TBC1D4: variants seen among roughly 807,000 people sequenced by gnomAD.
The protein encoded by TBC1D4 is TBC (Tre-2, BUB2, CDC16) domain-containing protein.
Under a neutral mutation model 142.5 loss-of-function variants are expected in TBC1D4, and 121 were observed. The observed-to-expected ratio is 0.85, with a 90% CI of 0.73 to 0.99. TBC1D4 has a LOEUF of 0.99. Among genes scored for constraint, TBC1D4 ranks in the 50% least tolerant of loss-of-function variants. The probability of loss-of-function intolerance (pLI) is 0.00; values close to 1 mark genes in which losing one functional copy is unlikely to be tolerated. For synonymous variants in TBC1D4, 630 were observed against 628.2 expected (o/e 1.00, Z -0.04); for missense variants, 1,475 against 1,606.6 (o/e 0.92, Z 1.40).
chr13:75,475,982 C>T (rs537726400), intron 1 of TBC1D4, among the ~76,000 whole-genome samples: 64 of 152,224 alleles, frequency 4.2e-4, no homozygotes, highest in Non-Finnish European at 7.6e-4. Context: ...GAGGCTCATA[C>T]CTGTAATCCC....
intron 1 of TBC1D4, among the ~76,000 whole-genome samples, chr13:75,409,864 G>A (rs550103840): frequency 6.6e-6 from 1 of 152,298 alleles, no homozygotes; most frequent in South Asian, 2.1e-4. Context: ...AGATACTAGT[G>A]TTAATTTATA....
intron 7 of TBC1D4, among the ~76,000 whole-genome samples, chr13:75,337,282 A>G (rs1880306421): frequency 6.6e-6 from 1 of 152,192 alleles, no homozygotes; most frequent in African/African-American, 2.4e-5. Flanking sequence ...TTTCCTTTCC[A>G]TGAATACACT....
At chr13:75,287,911 AC>A (rs1456612409) in intron 20 of TBC1D4, among the ~76,000 whole-genome samples, 1 of 152,050 alleles carries the variant, frequency 6.6e-6, no homozygotes, top group Non-Finnish European at 1.5e-5. Context: ...GCCATTAGAC[AC>A]TGAAACTCCC....
intron 1 of TBC1D4, among the ~76,000 whole-genome samples, chr13:75,439,012 G>A (rs942238037): frequency 3.3e-5 from 5 of 152,144 alleles, no homozygotes; most frequent in African/African-American, 9.7e-5. Context: ...TATATTTTGA[G>A]AGCAAAGAGC....
chr13:75,443,358 A>T (rs1887135496), intron 1 of TBC1D4, among the ~76,000 whole-genome samples: 1 of 152,252 alleles, frequency 6.6e-6, no homozygotes, highest in African/African-American at 2.4e-5. Context: ...CCCTGAAAGT[A>T]TTCCATACAG....
chr13:75,353,091 G>A (rs528876), intron 4 of TBC1D4, among the ~76,000 whole-genome samples: 4,336 of 152,142 alleles, frequency 0.028, 191 homozygotes, highest in African/African-American at 0.096. Flanking sequence ...GCCAAACCTC[G>A]GATTCTGACA....
At chr13:75,371,208 A>C (rs1883203956) in intron 1 of TBC1D4, among the ~76,000 whole-genome samples, 1 of 152,240 alleles carries the variant, frequency 6.6e-6, no homozygotes, top group African/African-American at 2.4e-5. Flanking sequence ...AGGAACAGAC[A>C]ACCTATAAGG....
chr13:75,366,741 T>C (rs563490999), intron 1 of TBC1D4, among the ~76,000 whole-genome samples: 2 of 152,328 alleles, frequency 1.3e-5, no homozygotes, highest in Admixed American at 1.3e-4. Context: ...TTCTCATTAA[T>C]TGGTTATCAT....
chr13:75,351,370 AT>A (rs960956599), intron 4 of TBC1D4, among the ~76,000 whole-genome samples: 6 of 151,790 alleles, frequency 4.0e-5, no homozygotes, highest in East Asian at 1.9e-4. Flanking sequence ...CATCAATCCT[AT>A]TTTTTTGGGG....
chr13:75,286,822 G>T lies in TBC1D4; in HGVS notation c.3867C>A (p.Asn1289Lys), dbSNP rs762068295. ...GCTTATTTCCTATCTTGGCTTTGTT[G>T]TTAGGGTTGCAGTTTAGGTCTCTCA... The part of the protein sequence containing the change: ...LLLRDLNCNP[N>K]NKAKIGNKP The change falls in exon 21 of 21, where the codon AAC becomes AAA. Residue 1289 changes from asparagine (N) to lysine (K), a missense_variant. Physicochemically the swap from Asn to Lys is moderately conservative, Grantham distance 94. This residue lies in a region of TBC1D4 where 248 missense variants were observed against 338.9 expected (regional missense o/e 0.73). Transcript: ENST00000377636. 3 of 1,613,842 alleles carry T rather than the reference G, an allele frequency of 1.9e-6. No individual in the cohort carries two copies. Among genetic ancestry groups the T allele is most frequent in the South Asian group, 2.2e-5 (2 of 91,080 alleles).
At chr13:75,345,196 A>G (rs1336179215) in intron 5 of TBC1D4, among the ~76,000 whole-genome samples, 2 of 152,184 alleles carry the variant, frequency 1.3e-5, no homozygotes, top group Non-Finnish European at 1.5e-5. Context: ...TCAGTGTCTC[A>G]GCTGCTTCAT....
At chr13:75,291,494 A>C (rs1415415268) in intron 19 of TBC1D4, among the ~76,000 whole-genome samples, 1 of 152,110 alleles carries the variant, frequency 6.6e-6, no homozygotes, top group East Asian at 1.9e-4. Flanking sequence ...ACCTTTATAG[A>C]TGGTTCCTTC....
At chr13:75,305,011 C>T (rs1366646333) in intron 15 of TBC1D4, among the ~76,000 whole-genome samples, 1 of 152,114 alleles carries the variant, frequency 6.6e-6, no homozygotes, top group Admixed American at 6.6e-5. Context: ...CCCATAATTC[C>T]ATGTGTAGTG....
At chr13:75,341,043 AG>A (rs140300462) in intron 7 of TBC1D4, 81 bp downstream of exon 7, 55,645 of 1,240,906 alleles carry the variant, frequency 0.045, 2,494 homozygotes, top group Admixed American at 0.17. Flanking sequence ...TTAGCCCTAA[AG>A]AACCTGAGAG....
chr13:75,335,523 T>TCTGTGTCC (rs111379987), intron 8 of TBC1D4, among the ~76,000 whole-genome samples: 9,926 of 152,180 alleles, frequency 0.065, 801 homozygotes, highest in African/African-American at 0.18. Flanking sequence ...ATGGTTTGGA[T>TCTGTGTCC]CCGCCCAAAT....
At chr13:75,425,152 A>G (rs1001328888) in intron 1 of TBC1D4, among the ~76,000 whole-genome samples, 3 of 152,198 alleles carry the variant, frequency 2.0e-5, no homozygotes, top group Admixed American at 6.5e-5. Flanking sequence ...ATAGTTTAAA[A>G]AAAAACAATT....
In TBC1D4 at chr13:75,481,574, C is replaced by T. The variant is rs1010458153; in HGVS notation, c.194G>A (p.Arg65His). The change falls in exon 1 of 21, where the codon CGC (arginine) becomes CAC (histidine). Residue 65 changes from arginine to histidine, a missense_variant. Physicochemically the swap from Arg to His is conservative, Grantham distance 29. Transcript: ENST00000377636. ...LPWLMAEIRR[R>H]SQKPEAGGCG... The stretch of plus-strand genomic sequence containing the variant: ...GCCGCCCGCCTCGGGCTTCTGGCTG[C>T]GCCTGCGGATCTCGGCCATGAGCCA... 4 of 1,601,588 alleles carry T rather than the reference C, an allele frequency of 2.5e-6. No homozygotes were observed. Among genetic ancestry groups the T allele is most frequent in the East Asian group, 4.5e-5 (2 of 44,326 alleles).
intron 1 of TBC1D4, among the ~76,000 whole-genome samples, chr13:75,363,449 A>T (rs1882695369): frequency 6.6e-6 from 1 of 152,188 alleles, no homozygotes; most frequent in African/African-American, 2.4e-5. Context: ...ACTGAGATAG[A>T]TGCATATCTG....
chr13:75,375,773 C>CCGACA (rs61021889), intron 1 of TBC1D4: 1 of 133,734 alleles, frequency 7.5e-6, no homozygotes, highest in African/African-American at 2.9e-5. Flanking sequence ...CCCACCCCCC[C>CCGACA]CACACACACA....
Sources: allele counts gnomAD v4.1 joint callset (sites outside exome capture counted in the v4.1 genomes callset), GRCh38; gene constraint gnomAD v4.1.1; regional missense constraint gnomAD v4.1.1; transcripts MANE v1.5; gene names NCBI Gene and HGNC (gene_info 2026-07-23, HGNC 2026-07-21).